Variants in VRK3 observed in about 807,000 individuals in gnomAD.
VRK3 encodes VRK serine/threonine kinase 3.
Under a neutral mutation model 60.4 loss-of-function variants are expected in VRK3, and 50 were observed. The ratio of observed to expected loss-of-function variants is 0.83; its 90% confidence interval spans 0.66 to 1.05. The LOEUF is 1.05. Ranked by LOEUF, VRK3 falls within the 50% of genes least tolerant of loss-of-function variation. The pLI is 0.00. For synonymous variants in VRK3, 246 were observed against 227.8 expected (o/e 1.08, Z -0.72); for missense variants, 549 against 585.3 (o/e 0.94, Z 0.64).
intron 3 of VRK3, 96 bp downstream of exon 3, chr19:50,015,928 G>T: frequency 6.5e-7 from 1 of 1,547,094 alleles, no homozygotes. Flanking sequence ...TCAGGACAGG[G>T]TCAGACAGGC....
chr19:49,990,988 A>G (rs964345410), intron 10 of VRK3, among the ~76,000 whole-genome samples: 4 of 151,326 alleles, frequency 2.6e-5, no homozygotes, highest in Non-Finnish European at 4.4e-5. Flanking sequence ...GAGGTTCCCT[A>G]TGTTTCCCAG....
chr19:50,001,077 G>C (rs1267022373), intron 5 of VRK3: 8 of 494,670 alleles, frequency 1.6e-5, no homozygotes, highest in Admixed American at 3.7e-5. Context: ...TAATGCAGCA[G>C]GCCTGAGACG....
Position 50,000,924 on chromosome 19 carries a change from C to G in VRK3, c.548-70G>C, listed in dbSNP as rs1482905538. 9 of 1,481,210 alleles carry G rather than the reference C, an allele frequency of 6.1e-6. No homozygotes were observed. The East Asian group carries it at 2.1e-4, about 35-fold the overall frequency. 91.8% of individuals were successfully genotyped at this position (1,481,210 alleles called of 1,614,324 possible). ...GGTCAGGGTCATCATCCCCAAACTTCCCAGCAATGAGAAGCGGCTCTGGTG... is the reference window on the plus strand; with the variant it reads ...GGTCAGGGTCATCATCCCCAAACTTGCCAGCAATGAGAAGCGGCTCTGGTG... On this transcript the variant is annotated intron_variant, in intron 5 of 14. Transcript: ENST00000316763.
intron 12 of VRK3, chr19:49,986,248 T>C (rs2076514260): frequency 1.3e-5 from 2 of 152,510 alleles, no homozygotes; most frequent in African/African-American, 4.8e-5. Context: ...GGTGTATAGT[T>C]AAAGTTAAAA....
chr19:49,993,938 A>T (rs1017733402), intron 9 of VRK3, among the ~76,000 whole-genome samples: 3 of 151,184 alleles, frequency 2.0e-5, no homozygotes, highest in Non-Finnish European at 4.4e-5. Flanking sequence ...TTCTGTACCC[A>T]GAGCTGACCC....
intron 11 of VRK3, among the ~76,000 whole-genome samples, chr19:49,989,240 CCT>C (rs2076569307): frequency 6.6e-6 from 1 of 152,182 alleles, no homozygotes; most frequent in Admixed American, 6.5e-5. Context: ...ATGATCCCAT[CCT>C]CTCCCAGGGC....
intron 5 of VRK3, 128 bp from the exon 6 acceptor site, chr19:50,000,982 G>T: frequency 1.3e-6 from 1 of 765,134 alleles, no homozygotes; most frequent in Non-Finnish European, 2.1e-6. Context: ...CGCACTCTTG[G>T]CTCTCACGAC....
At chr19:49,981,686 G>T (rs182983469) in intron 12 of VRK3, 3 of 996,428 alleles carry the variant, frequency 3.0e-6, no homozygotes, top group Non-Finnish European at 3.6e-6. Flanking sequence ...TCCCTTTGAT[G>T]ATGAGGAAAG....
In VRK3 at chr19:50,016,169, A is replaced by G. The variant is rs1368011899; in HGVS notation, c.-1-6T>C. 6.2e-7 allele frequency: 1 copy of G among 1,613,960 alleles called. No homozygotes were observed. The highest frequency in any genetic ancestry group is 8.5e-7 in the Non-Finnish European group (1 of 1,180,020). ...CTGGACAGAAGGAGATCATGCTACA[A>G]AACAGAATGAACAAACACAAAGTGA... On this transcript the variant is annotated splice_region_variant and splice_polypyrimidine_tract_variant and intron_variant, in intron 2 of 14. Transcript: ENST00000316763.
At chr19:50,006,454 C>A (rs968740945) in intron 5 of VRK3, among the ~76,000 whole-genome samples, 11 of 151,584 alleles carry the variant, frequency 7.3e-5, no homozygotes, top group African/African-American at 2.7e-4. Flanking sequence ...CGGCTCACTG[C>A]AAGCTCTGCC....
chr19:50,010,048 T>A (rs1466647560), intron 3 of VRK3, among the ~76,000 whole-genome samples: 3 of 148,240 alleles, frequency 2.0e-5, no homozygotes, highest in East Asian at 2.1e-4. Flanking sequence ...AATAATTATT[T>A]TATATATATA....
At chr19:50,024,646 C>T (rs573381293) in intron 1 of VRK3, among the ~76,000 whole-genome samples, 1 of 152,070 alleles carries the variant, frequency 6.6e-6, no homozygotes, top group Non-Finnish European at 1.5e-5. Flanking sequence ...CCGTTCAAAC[C>T]CAGGTTATAG....
chr19:50,021,737 A>AACCGG (rs2077173614), intron 1 of VRK3, among the ~76,000 whole-genome samples: 1 of 152,346 alleles, frequency 6.6e-6, no homozygotes, highest in East Asian at 1.9e-4. Flanking sequence ...TTTGTTCTCT[A>AACCGG]GACATAGTAA....
intron 4 of VRK3, among the ~76,000 whole-genome samples, chr19:50,008,485 T>TCACACTGCCACTGTGG (rs2076939523): frequency 6.6e-6 from 1 of 152,224 alleles, no homozygotes; most frequent in African/African-American, 2.4e-5. Flanking sequence ...AGGGGACGCC[T>TCACACTGCCACTGTGG]CACACTGCCA....
At chr19:50,019,366 C>CCT (rs1555854630) in intron 2 of VRK3, 1 of 148,704 alleles carries the variant, frequency 6.7e-6, no homozygotes. Context: ...CCATGCCTGG[C>CCT]TAATTAAAAA....
chr19:50,007,780 G>C lies in VRK3; in HGVS notation c.336C>G (p.Thr112=). 6.2e-7 allele frequency: 1 copy of C among 1,614,150 alleles called. No homozygotes were observed. The highest frequency in any genetic ancestry group is 8.5e-7 in the Non-Finnish European group (1 of 1,180,034). The change falls in exon 5 of 15, where the codon ACC becomes ACG. Residue 112 remains threonine (T), a synonymous_variant. Transcript: ENST00000316763. The part of the protein sequence containing the change: ...PPTPKSSPQK[T]RKSPQVTRGS... ...CCCTGGTCACCTGAGGGCTCTTCCT[G>C]GTCTTCTGAGGGCTGCTTTTGGGGG... is the stretch of plus-strand genomic sequence containing the variant.
intron 14 of VRK3, 145 bp downstream of exon 14, chr19:49,978,938 C>G (rs569346864): frequency 1.3e-6 from 1 of 788,678 alleles, no homozygotes; most frequent in Non-Finnish European, 1.9e-6. Context: ...GTTCAAGGAC[C>G]GTGCGGAAAA....
rs551502595 is a variant in VRK3, at chr19:50,004,882, C to T, written c.547+2687G>A. ...CCGTGATTGCACAACCGCACTCCAG[C>T]CTGGGTGATGGAGCGAGACTCCATC... On this transcript the variant is annotated intron_variant, in intron 5 of 14. Coordinates refer to ENST00000316763, the MANE Select transcript of VRK3 (RefSeq NM_016440.4). Among the ~76,000 whole-genome samples, 60 of 151,882 alleles carry T rather than the reference C, an allele frequency of 4.0e-4. 2 individuals carry two copies. The South Asian group carries it at 0.012, about 31-fold the overall frequency.
At position 50,007,822 on chromosome 19, in the gene VRK3, G is replaced by A. The variant is rs144890930; in HGVS notation, c.294C>T (p.Ser98=). Residue 98 remains serine (S), a synonymous_variant, in exon 5 of 15, where the codon TCC becomes TCT. Transcript: ENST00000316763. ...TLSSSERSKG[S]GSRPPTPKSS... is the part of the protein sequence containing the mutation. ...TTTTGGGGGTTGGGGGTCTGCTCCC[G>A]GAGCCTGCAGGAGGATGTAAGAATA... is the stretch of plus-strand genomic sequence containing the variant. 160 of 1,614,120 alleles carry A rather than the reference G, an allele frequency of 9.9e-5. No homozygotes were observed. The African/African-American group carries it at 1.1e-3, about 11-fold the overall frequency.
Sources: allele counts gnomAD v4.1 joint callset (sites outside exome capture counted in the v4.1 genomes callset), GRCh38; gene constraint gnomAD v4.1.1; transcripts MANE v1.5; gene names NCBI Gene and HGNC (gene_info 2026-07-23, HGNC 2026-07-21).